The following CA8 variants were observed in gnomAD, a reference collection of about 807,000 sequenced individuals.
CA8 encodes the protein carbonic anhydrase 8 (inactive).
In CA8, 22 loss-of-function variants were observed where a neutral mutation model predicts 41.4. The observed-to-expected ratio is 0.53, with a 90% CI of 0.38 to 0.76. The LOEUF (loss-of-function observed/expected upper bound fraction) is 0.76. Ranked by LOEUF, CA8 falls within the 30% of genes least tolerant of loss-of-function variation. The pLI is 0.00. For missense variants in CA8, 270 were observed against 352.8 expected (o/e 0.77, Z 1.88); for synonymous variants, 121 against 130.6 (o/e 0.93, Z 0.50).
chr8:60,232,708 A>G (rs2130496992), intron 3 of CA8: 2 of 370,380 alleles, frequency 5.4e-6, no homozygotes, highest in South Asian at 2.4e-5. Flanking sequence ...CCATGAAACA[A>G]AACTCCAGGT....
At chr8:60,217,420 T>C (rs1021115534) in intron 7 of CA8, among the ~76,000 whole-genome samples, 17 of 152,170 alleles carry the variant, frequency 1.1e-4, no homozygotes. Context: ...CTCCCATGGC[T>C]TCTCTAACCA....
intron 2 of CA8, among the ~76,000 whole-genome samples, chr8:60,269,503 G>A (rs564584647): frequency 1.6e-4 from 25 of 152,212 alleles, no homozygotes; most frequent in African/African-American, 6.0e-4. Context: ...TCTTTAATAC[G>A]CTTGGCAATT....
At chr8:60,214,223 G>A (rs995499286) in intron 7 of CA8, among the ~76,000 whole-genome samples, 4 of 152,230 alleles carry the variant, frequency 2.6e-5, no homozygotes, top group Non-Finnish European at 2.9e-5. Flanking sequence ...TTGGCATTTG[G>A]TGAGGGCATT....
chr8:60,232,234 T>C lies in CA8; in HGVS notation c.513+50A>G. ...GAATAAAAAAATTTTACAAAATGAT[T>C]TAGAAATTAGCATCTCTAAACAATA... On this transcript the variant is annotated intron_variant, in intron 4 of 8. Transcript: ENST00000317995. 2.1e-6 allele frequency: 3 copies of C among 1,398,556 alleles called. No homozygotes were observed. In the East Asian group the frequency reaches 6.8e-5, roughly 32 times the overall value. 86.6% of individuals were successfully genotyped at this position (1,398,556 alleles called of 1,614,324 possible).
At chr8:60,253,262 A>C (rs1325987601) in intron 3 of CA8, among the ~76,000 whole-genome samples, 2 of 152,092 alleles carry the variant, frequency 1.3e-5, no homozygotes, top group Non-Finnish European at 2.9e-5. Context: ...TAAAAACAAT[A>C]TGGATAGTAG....
rs1050881397 is a variant in CA8 at position 60,262,421 on chromosome 8, C to T, written c.417+3504G>A. Reference sequence around the variant, plus strand: ...AACAAAGTTCAAAGAAAATAAGGAGCTTTCCACAGCCACCAGAACAAACAC... The same window carrying T: ...AACAAAGTTCAAAGAAAATAAGGAGTTTTCCACAGCCACCAGAACAAACAC... On this transcript the variant is annotated intron_variant, in intron 3 of 8. Transcript: ENST00000317995. Among the ~76,000 whole-genome samples, 3 of 151,732 alleles carry T rather than the reference C, an allele frequency of 2.0e-5. No homozygotes were observed. The East Asian group carries it at 5.8e-4, about 29-fold the overall frequency.
intron 3 of CA8, among the ~76,000 whole-genome samples, chr8:60,246,507 A>G (rs1808242698): frequency 6.6e-6 from 1 of 151,922 alleles, no homozygotes; most frequent in Non-Finnish European, 1.5e-5. Flanking sequence ...CATGTTGCTC[A>G]GGCTGGTCTC....
chr8:60,258,822 C>T (rs544286432), intron 3 of CA8, among the ~76,000 whole-genome samples: 32 of 152,212 alleles, frequency 2.1e-4, no homozygotes, highest in African/African-American at 6.5e-4. Flanking sequence ...TTAATGCCAC[C>T]GCTGATCCAA....
chr8:60,246,778 T>A (rs1808253308), intron 3 of CA8, among the ~76,000 whole-genome samples: 3 of 151,646 alleles, frequency 2.0e-5, no homozygotes, highest in Admixed American at 6.6e-5. Context: ...TGCTTTTATA[T>A]AAAAGTATTC....
intron 2 of CA8, among the ~76,000 whole-genome samples, chr8:60,275,211 C>T (rs1447757673): frequency 6.6e-6 from 1 of 152,126 alleles, no homozygotes; most frequent in Non-Finnish European, 1.5e-5. Flanking sequence ...ACTGTGAAGC[C>T]CAACAGCCCT....
At chr8:60,257,037 G>A (rs1808664179) in intron 3 of CA8, among the ~76,000 whole-genome samples, 2 of 151,982 alleles carry the variant, frequency 1.3e-5, no homozygotes, top group Admixed American at 6.6e-5. Context: ...CTGGAGTGCA[G>A]TGGTGCAATC....
At chr8:60,263,391 T>G (rs1803797257) in intron 3 of CA8, among the ~76,000 whole-genome samples, 1 of 151,488 alleles carries the variant, frequency 6.6e-6, no homozygotes, top group East Asian at 1.9e-4. Flanking sequence ...TTGCTTATAG[T>G]GTCTGTCTGT....
intron 7 of CA8, among the ~76,000 whole-genome samples, chr8:60,221,471 A>G (rs1395741835): frequency 6.6e-6 from 1 of 152,216 alleles, no homozygotes; most frequent in African/African-American, 2.4e-5. Flanking sequence ...AGAACACATC[A>G]CCAGTGATAA....
chr8:60,219,929 TAAAAAAAAAA>T (rs546162939), intron 7 of CA8, among the ~76,000 whole-genome samples: 2 of 82,014 alleles, frequency 2.4e-5, no homozygotes, highest in East Asian at 4.3e-4. Context: ...AATCTTAACT[TAAAAAAAAAA>T]AAAAAAAAAA....
chr8:60,219,952 AAC>A, intron 7 of CA8, among the ~76,000 whole-genome samples: 1 of 150,826 alleles, frequency 6.6e-6, no homozygotes, highest in African/African-American at 2.4e-5. Context: ...AAAAAAAAAA[AAC>A]ACTTGACTAT....
At chr8:60,226,613 G>C (rs572004536) in intron 5 of CA8, among the ~76,000 whole-genome samples, 1 of 152,276 alleles carries the variant, frequency 6.6e-6, no homozygotes, top group East Asian at 1.9e-4. Flanking sequence ...TCATTGCTAG[G>C]AGAATTAGGG....
chr8:60,222,605 T>C, intron 7 of CA8, 44 bp downstream of exon 7: 2 of 1,204,192 alleles, frequency 1.7e-6, no homozygotes, highest in Non-Finnish European at 2.5e-6. Context: ...AAACAATGTT[T>C]AACTCAGAAC....
chr8:60,204,204 A>C (rs1027472245), intron 8 of CA8, among the ~76,000 whole-genome samples: 3 of 152,238 alleles, frequency 2.0e-5, no homozygotes, highest in African/African-American at 7.2e-5. Flanking sequence ...ACTTTTGAGT[A>C]TACATGAGGT....
intron 3 of CA8, among the ~76,000 whole-genome samples, chr8:60,259,862 T>A (rs190698701): frequency 1.3e-5 from 2 of 152,036 alleles, no homozygotes; most frequent in Non-Finnish European, 2.9e-5. Flanking sequence ...GCTAGCTCTA[T>A]AGGAGATTCC....
Sources: gnomAD v4.1 joint callset for allele counts (sites outside exome capture counted in the v4.1 genomes callset) on GRCh38, gnomAD v4.1.1 for gene constraint, MANE v1.5 for transcripts, NCBI Gene and HGNC (gene_info 2026-07-23, HGNC 2026-07-21) for gene names.